KLHDC4: variants seen among roughly 807,000 people sequenced by gnomAD.
KLHDC4 encodes the protein kelch domain-containing protein 4.
A neutral mutation model predicts 62.4 loss-of-function variants in KLHDC4; 90 were observed. The observed-to-expected ratio is 1.44, with a 90% CI of 1.22 to 1.72. KLHDC4 has a LOEUF of 1.72. Among genes scored for constraint, KLHDC4 ranks in the 40% most tolerant of loss-of-function variants. The pLI, the probability that KLHDC4 is intolerant of heterozygous loss-of-function variation, is 0.00. For synonymous variants in KLHDC4, 386 were observed against 284.4 expected (o/e 1.36, Z -3.59); for missense variants, 1,025 against 699.7 (o/e 1.47, Z -5.25).
At chr16:87,712,936 C>G (rs1322111973) in intron 8 of KLHDC4, among the ~76,000 whole-genome samples, 1 of 152,266 alleles carries the variant, frequency 6.6e-6, no homozygotes, top group Non-Finnish European at 1.5e-5. Context: ...CCTAACGGCA[C>G]TGGGGACGCT....
chr16:87,708,048 T>A lies in KLHDC4; in HGVS notation c.*29A>T. 1.9e-6 allele frequency: 1 copy of A among 534,684 alleles called. No individual in the cohort carries two copies. The highest frequency in any genetic ancestry group is 3.6e-6 in the Non-Finnish European group (1 of 278,028). The allele number at this position is 534,684 out of a possible 1,614,324, so 33.1% of individuals were successfully genotyped here. Reference sequence around the variant, plus strand: ...TCCTGGGCGGACGTGGGCACAGCACTTGCCAGGCGCCCCTGGCAGGGGCTC... The same window carrying A: ...TCCTGGGCGGACGTGGGCACAGCACATGCCAGGCGCCCCTGGCAGGGGCTC... On this transcript the variant is annotated 3_prime_UTR_variant, in exon 12 of 12. Coordinates refer to ENST00000270583, the MANE Select transcript of KLHDC4 (RefSeq NM_017566.4).
intron 1 of KLHDC4, among the ~76,000 whole-genome samples, chr16:87,764,644 T>G (rs367715742): frequency 5.1e-4 from 27 of 52,620 alleles, no homozygotes; most frequent in African/African-American, 2.5e-3. Flanking sequence ...GTGAAACTCC[T>G]TCAAAAAAAA....
Position 87,762,128 on chromosome 16 carries a change from G to A in KLHDC4, c.100-88C>T. On this transcript the variant is annotated intron_variant, in intron 1 of 11. Transcript: ENST00000270583. ...CGCTCAGCTTTCCTCCAATCAGTGTGATTCGACTGGGCTCAGTCACATCTG... is the reference window on the plus strand; with the variant it reads ...CGCTCAGCTTTCCTCCAATCAGTGTAATTCGACTGGGCTCAGTCACATCTG... The A allele has an allele frequency of 4.5e-6, 7 of 1,569,760 alleles. No individual in the cohort carries two copies. The Middle Eastern group carries it at 6.6e-4, about 148-fold the overall frequency.
At chr16:87,698,546 A>C (rs1195136858) in exon 1 of KLHDC4, 1 of 152,274 alleles carries the variant, frequency 6.6e-6, no homozygotes, top group African/African-American at 2.4e-5. Flanking sequence ...ATCTAGGCCT[A>C]GGGGCAGTCA....
chr16:87,746,721 CT>C (rs1403772747), intron 5 of KLHDC4, among the ~76,000 whole-genome samples: 1 of 152,206 alleles, frequency 6.6e-6, no homozygotes, highest in African/African-American at 2.4e-5. Flanking sequence ...CATAATGACC[CT>C]GTTCCTGCCC....
chr16:87,713,017 C>G (rs1041911579), intron 8 of KLHDC4, among the ~76,000 whole-genome samples: 10 of 152,326 alleles, frequency 6.6e-5, no homozygotes, highest in African/African-American at 2.4e-4. Flanking sequence ...AGAACAAATG[C>G]CATTGTCTCC....
chr16:87,718,976 C>A lies in KLHDC4; in HGVS notation c.760-4403G>T, dbSNP rs1304397214. ...GCCGCCCGGTCTGAGAAGTGAGGAG[C>A]CCCTCCGCCCGGCAGCCGCCCCCTC... On this transcript the variant is annotated intron_variant, in intron 7 of 11. Coordinates refer to ENST00000270583, the MANE Select transcript of KLHDC4 (RefSeq NM_017566.4). 7.3e-5 allele frequency among the ~76,000 whole-genome samples: 11 copies of A among 150,666 alleles called. No homozygotes were observed. The East Asian group carries it at 2.2e-3, about 30-fold the overall frequency.
intron 5 of KLHDC4, among the ~76,000 whole-genome samples, chr16:87,731,977 C>T (rs1432555534): frequency 6.6e-6 from 1 of 152,240 alleles, no homozygotes; most frequent in African/African-American, 2.4e-5. Context: ...AAGGTGAGAT[C>T]CGTCTTCGGC....
Position 87,709,677 on chromosome 16 carries a change from G to C in KLHDC4, c.1045-10C>G, listed in dbSNP as rs376102119. 1.0e-5 allele frequency: 16 copies of C among 1,573,470 alleles called. No individual in the cohort carries two copies. Among genetic ancestry groups the C allele is most frequent in the African/African-American group, 1.4e-5 (1 of 74,052 alleles). ...TTTCAGACTTGGGTCCCTATTAATA[G>C]ACCGAGGAAGCAGAGAGCAGCAGCT... On this transcript the variant is annotated splice_polypyrimidine_tract_variant and intron_variant, in intron 9 of 11. Coordinates refer to ENST00000270583, the MANE Select transcript of KLHDC4 (RefSeq NM_017566.4).
At chr16:87,756,359 C>T (rs2044897513) in intron 3 of KLHDC4, 40 bp downstream of exon 3, 1 of 1,411,094 alleles carries the variant, frequency 7.1e-7, no homozygotes, top group Non-Finnish European at 1.0e-6. Flanking sequence ...AAATGATACT[C>T]ACGCAACATG....
intron 6 of KLHDC4, chr16:87,729,400 G>C (rs897422991): frequency 1.3e-5 from 2 of 152,312 alleles, no homozygotes; most frequent in East Asian, 3.9e-4. Flanking sequence ...CTTCAAATGA[G>C]GCCCCGGAGA....
chr16:87,728,255 A>G (rs995924050), intron 6 of KLHDC4, among the ~76,000 whole-genome samples: 1 of 152,220 alleles, frequency 6.6e-6, no homozygotes, highest in Non-Finnish European at 1.5e-5. Context: ...CCTTCGCAGG[A>G]CGATGGCTCT....
chr16:87,725,617 T>C (rs1278764943), intron 7 of KLHDC4, among the ~76,000 whole-genome samples: 2 of 152,196 alleles, frequency 1.3e-5, no homozygotes, highest in Non-Finnish European at 2.9e-5. Flanking sequence ...ACCTCTCAGA[T>C]TCACAGAAAT....
chr16:87,708,151 G>C (rs912771730), intron 11 of KLHDC4, 76 bp from the exon 12 acceptor site: 3 of 637,088 alleles, frequency 4.7e-6, no homozygotes, highest in Non-Finnish European at 2.9e-6. Context: ...GGGGTAGAGA[G>C]AACACCGGGT....
intron 5 of KLHDC4, among the ~76,000 whole-genome samples, chr16:87,741,928 T>G (rs1463593593): frequency 6.6e-6 from 1 of 152,176 alleles, no homozygotes; most frequent in East Asian, 1.9e-4. Context: ...CAACGCCTAT[T>G]CCGTTTCCTG....
At chr16:87,703,382 C>A (rs1161990502), downstream of KLHDC4, 1 of 152,284 alleles carries the variant, frequency 6.6e-6, no homozygotes, top group Non-Finnish European at 1.5e-5. Flanking sequence ...TCTCCCCCAG[C>A]CCTGAGTCTC....
chr16:87,733,856 TG>T (rs555721535), intron 5 of KLHDC4, among the ~76,000 whole-genome samples: 1 of 152,228 alleles, frequency 6.6e-6, no homozygotes, highest in Non-Finnish European at 1.5e-5. Context: ...ACTCTCTGCC[TG>T]GCCCTCCCAC....
intron 6 of KLHDC4, chr16:87,729,246 C>G (rs149082199): frequency 1.9e-4 from 29 of 152,304 alleles, no homozygotes; most frequent in African/African-American, 5.5e-4. Flanking sequence ...TCCCAGCACT[C>G]TGGGAGGCTG....
chr16:87,717,303 G>A (rs2142986172), intron 7 of KLHDC4, among the ~76,000 whole-genome samples: 1 of 152,340 alleles, frequency 6.6e-6, no homozygotes, highest in South Asian at 2.1e-4. Flanking sequence ...ATTGTTTCTA[G>A]GCCGTCCCAT....
Sources: allele counts gnomAD v4.1 joint callset (sites outside exome capture counted in the v4.1 genomes callset), GRCh38; gene constraint gnomAD v4.1.1; transcripts MANE v1.5; gene names NCBI Gene and HGNC (gene_info 2026-07-23, HGNC 2026-07-21).